PTPRN2: variants seen among roughly 807,000 people sequenced by gnomAD.
PTPRN2 encodes the protein receptor-type tyrosine-protein phosphatase N2.
Under a neutral mutation model 118.8 loss-of-function variants are expected in PTPRN2, and 74 were observed. The observed-to-expected ratio is 0.62, with a 90% confidence interval of 0.52 to 0.76. The LOEUF is 0.76. PTPRN2 is among the 30% of genes least tolerant of loss of function. PTPRN2 has a pLI of 0.00. For missense variants in PTPRN2, 1,481 were observed against 1,394.4 expected, an observed-to-expected ratio of 1.06 and a Z score of -0.99; for synonymous variants, 641 against 608.0, an observed-to-expected ratio of 1.05 and a Z score of -0.80.
intron 3 of PTPRN2, among the ~76,000 whole-genome samples, chr7:158,208,110 G>GA (rs1227556256): frequency 6.6e-6 from 1 of 151,654 alleles, no homozygotes; most frequent in East Asian, 1.9e-4. Flanking sequence ...GGAGACCAAA[G>GA]AAAAAAGGAT....
In PTPRN2 at chr7:158,171,063, ACACAT is replaced by A. The variant is rs1265765027; in HGVS notation, c.550-3777_550-3773del. 1.6e-3 allele frequency among the ~76,000 whole-genome samples: 4 copies of A among 2,564 alleles called. No individual in the cohort carries two copies. In the African/African-American group the frequency reaches 0.028, roughly 18 times the overall value. The allele number at this position is 2,564 out of a possible 152,430, so 1.7% of individuals were successfully genotyped here. A position where few individuals can be genotyped will look rare whatever the true frequency, so the allele number is the denominator to read the frequency against. The stretch of plus-strand genomic sequence containing the variant: ...CACATACATATATATACACATATAT[ACACAT>A]TATATACACATATATATACACACAT... On this transcript the variant is annotated intron_variant, in intron 5 of 22. Transcript: ENST00000389418.
chr7:158,419,593 C>T (rs574693708), intron 2 of PTPRN2, among the ~76,000 whole-genome samples: 38 of 152,264 alleles, frequency 2.5e-4, no homozygotes, highest in African/African-American at 8.9e-4. Context: ...CTCACACAGC[C>T]CTCCTTCCAT....
rs7797886 is a variant in PTPRN2 at position 158,376,342 on chromosome 7, G to A, written c.164-59410C>T. On this transcript the variant is annotated intron_variant, in intron 2 of 22. Transcript: ENST00000389418. The stretch of plus-strand genomic sequence containing the variant: ...CACGGCCCTGTCACACGTCCTGCAC[G>A]TGGGGTTAGGGGACTCTCCCACAGT... Among the ~76,000 whole-genome samples the A allele has an allele frequency of 6.0e-3, 901 of 149,666 alleles. 9 individuals carry two copies. The highest frequency in any genetic ancestry group is 0.021 in the African/African-American group (846 of 40,478).
In PTPRN2 at chr7:158,476,768, G is replaced by A. The variant is rs1332710751; in HGVS notation, c.163+12967C>T. Among the ~76,000 whole-genome samples the A allele has an allele frequency of 3.3e-5, 5 of 152,230 alleles. No individual in the cohort carries two copies. In the South Asian group the frequency reaches 1.0e-3, roughly 32 times the overall value. ...TAAATACGCCCAAGTAAGAAGAGAC[G>A]CGAGAACGTCAATCTGGTTCTGTTC... On this transcript the variant is annotated intron_variant, in intron 2 of 22. Coordinates refer to ENST00000389418, the MANE Select transcript of PTPRN2 (RefSeq NM_002847.5).
chr7:158,320,160 G>A (rs572293255), intron 2 of PTPRN2, among the ~76,000 whole-genome samples: 56 of 14,416 alleles, frequency 3.9e-3, no homozygotes, highest in African/African-American at 0.012. Context: ...TACACACACA[G>A]CCTCCCTCGT....
intron 2 of PTPRN2, among the ~76,000 whole-genome samples, chr7:158,430,200 C>T (rs973512894): frequency 3.9e-5 from 6 of 152,196 alleles, no homozygotes; most frequent in Non-Finnish European, 7.3e-5. Context: ...GCCACCACGC[C>T]CAGCTGGGAC....
chr7:157,563,146 T>G (rs1488948222), intron 21 of PTPRN2, among the ~76,000 whole-genome samples: 4 of 104,338 alleles, frequency 3.8e-5, no homozygotes, highest in African/African-American at 1.2e-4. Context: ...ACACAGCAGA[T>G]CAGGACCACG....
chr7:158,189,267 G>A (rs900689752), intron 5 of PTPRN2, among the ~76,000 whole-genome samples: 1 of 152,232 alleles, frequency 6.6e-6, no homozygotes, highest in Admixed American at 6.5e-5. Context: ...GCGAATCCAT[G>A]CTGCGCCTTG....
Position 157,845,575 on chromosome 7 carries a change from C to A in PTPRN2, c.1788+53098G>T, listed in dbSNP as rs1166014731. ...CTAACTCACCACGTTCCCGGCCACA[C>A]AGGGCCAAGAACAGCCCAGGCAATG... is the stretch of plus-strand genomic sequence containing the variant. On this transcript the variant is annotated intron_variant, in intron 12 of 22. Transcript: ENST00000389418. The surrounding 1 kb of genome is among the most constrained non-coding windows in gnomAD (Gnocchi z 4.5). Among the ~76,000 whole-genome samples, 2 of 152,240 alleles carry A rather than the reference C, an allele frequency of 1.3e-5. No individual in the cohort carries two copies. Among genetic ancestry groups the A allele is most frequent in the African/African-American group, 4.8e-5 (2 of 41,464 alleles).
At chr7:158,216,947 G>A (rs117671295) in intron 3 of PTPRN2, among the ~76,000 whole-genome samples, 1 of 152,074 alleles carries the variant, frequency 6.6e-6, no homozygotes, top group Non-Finnish European at 1.5e-5. Flanking sequence ...AAAGATAATG[G>A]GGAAATATAA....
intron 2 of PTPRN2, among the ~76,000 whole-genome samples, chr7:158,325,555 C>G (rs749269220): frequency 6.6e-6 from 1 of 152,196 alleles, no homozygotes; most frequent in African/African-American, 2.4e-5. Context: ...AAATGGTATG[C>G]ACGTGAAAAC....
At chr7:157,597,304 C>T (rs1009070846) in intron 16 of PTPRN2, among the ~76,000 whole-genome samples, 2 of 152,172 alleles carry the variant, frequency 1.3e-5, no homozygotes, top group African/African-American at 2.4e-5. Context: ...ATGTTACCGT[C>T]GCTGAAAGCC....
Position 157,682,736 on chromosome 7 carries a change from C to A in PTPRN2, c.1990G>T (p.Ala664Ser). The change falls in exon 13 of 23, where the codon GCC (alanine) becomes TCC (serine). Residue 664 changes from alanine to serine, a missense_variant. Ala to Ser is a moderately conservative substitution (Grantham distance 99). Transcript: ENST00000389418. ...AAGTCTCCTCTTACCTGGTAGGCGGCAGTGGCATCTGCACCTGGGTCGCCC... is the reference window on the plus strand; with the variant it reads ...AAGTCTCCTCTTACCTGGTAGGCGGAAGTGGCATCTGCACCTGGGTCGCCC... ...LGGDPGADAT[A>S]AYQELCRQRM... 1 of 1,613,538 alleles carries A rather than the reference C, an allele frequency of 6.2e-7. No homozygotes were observed. The highest frequency in any genetic ancestry group is 2.2e-5 in the East Asian group (1 of 44,886).
At chr7:158,264,019 C>T (rs1378371125) in intron 3 of PTPRN2, among the ~76,000 whole-genome samples, 2 of 152,222 alleles carry the variant, frequency 1.3e-5, no homozygotes, top group Non-Finnish European at 2.9e-5. Context: ...ACCCCTGCCA[C>T]TCTCACGCTT....
rs1803963409 is a variant in PTPRN2 at position 157,785,347 on chromosome 7, C to CCA, written c.1789-102412_1789-102411dup. Among the ~76,000 whole-genome samples, 1 of 152,182 alleles carries CCA rather than the reference C, an allele frequency of 6.6e-6. No homozygotes were observed. The highest frequency in any genetic ancestry group is 6.5e-5 in the Admixed American group (1 of 15,282). ...GCCGCGGGTCCCCCCAACCCCAAAG[C>CCA]CACTGAGTGAAAACAGACCACGGTG... On this transcript the variant is annotated intron_variant, in intron 12 of 22. Transcript: ENST00000389418. The surrounding 1 kb of genome is among the most constrained non-coding windows in gnomAD (Gnocchi z 7.3).
intron 1 of PTPRN2, among the ~76,000 whole-genome samples, chr7:158,569,523 G>A (rs936877840): frequency 7.4e-4 from 112 of 152,212 alleles, no homozygotes; most frequent in Non-Finnish European, 1.5e-3. Context: ...CCGGCTCTCA[G>A]GGTCCTGCTC....
intron 12 of PTPRN2, among the ~76,000 whole-genome samples, chr7:157,697,907 C>G (rs1448386689): frequency 2.6e-5 from 4 of 151,296 alleles, no homozygotes; most frequent in Non-Finnish European, 5.9e-5. Flanking sequence ...CCCTCACCAT[C>G]TACTCATGCA....
rs1806113380 is a variant in PTPRN2, at chr7:157,656,592, T to G, written c.2002-41A>C. 3 of 1,471,122 alleles carry G rather than the reference T, an allele frequency of 2.0e-6. No individual in the cohort carries two copies. In the Admixed American group the frequency reaches 5.9e-5, roughly 29 times the overall value. 91.1% of individuals were successfully genotyped at this position (1,471,122 alleles called of 1,614,324 possible). ...AGGAAGAGCAGGGGGTTAGTGGCAT[T>G]GGGGACACCCAGCAGGACGAGGGCC... On this transcript the variant is annotated intron_variant, in intron 13 of 22. Transcript: ENST00000389418.
intron 2 of PTPRN2, among the ~76,000 whole-genome samples, chr7:158,422,741 G>A (rs1163228406): frequency 2.0e-5 from 3 of 151,842 alleles, no homozygotes; most frequent in African/African-American, 7.3e-5. Flanking sequence ...GACACTGCCG[G>A]CTTCTGGGGC....
Sources: gnomAD v4.1 joint callset for allele counts (sites outside exome capture counted in the v4.1 genomes callset) on GRCh38, gnomAD v4.1.1 for gene constraint, Gnocchi (gnomAD v3.1) non-coding constraint, MANE v1.5 for transcripts, NCBI Gene and HGNC (gene_info 2026-07-23, HGNC 2026-07-21) for gene names.